The following SCHIP1 variants were observed in gnomAD, a reference collection of about 807,000 sequenced individuals.
The protein encoded by SCHIP1 is schwannomin interacting protein 1, also known as schwannomin-interacting protein 1.
A neutral mutation model predicts 29.7 loss-of-function variants in SCHIP1; 8 were observed. The ratio of observed to expected loss-of-function variants is 0.27; its 90% CI spans 0.16 to 0.49. The LOEUF (loss-of-function observed/expected upper bound fraction) is 0.49, where lower values mean the gene tolerates loss of function less well. Among genes scored for constraint, SCHIP1 ranks in the 20% least tolerant of loss-of-function variants. The pLI, the probability that SCHIP1 is intolerant of heterozygous loss-of-function variation, is 0.99. For synonymous variants in SCHIP1, 76 were observed against 94.9 expected (o/e 0.80, Z 1.16); for missense variants, 193 against 294.6 (o/e 0.66, Z 2.52).
chr3:159,703,744 G>T, the SCHIP1 span, among the ~76,000 whole-genome samples: 1 of 152,172 alleles, frequency 6.6e-6, no homozygotes, highest in South Asian at 2.1e-4. Context: ...GGGATTCAGA[G>T]AACTTAAATT....
chr3:159,440,518 A>AT, the SCHIP1 span, among the ~76,000 whole-genome samples: 1 of 152,110 alleles, frequency 6.6e-6, no homozygotes, highest in Admixed American at 6.6e-5. Context: ...TGAAGATGTG[A>AT]TTTTTACTGT....
the SCHIP1 span, among the ~76,000 whole-genome samples, chr3:159,751,901 A>G: frequency 2.6e-5 from 4 of 152,076 alleles, no homozygotes; most frequent in Non-Finnish European, 4.4e-5. Flanking sequence ...CCCTAGTGGG[A>G]GGTGATTGAA....
chr3:159,866,542 T>G (rs1252930051), intron 2 of SCHIP1, among the ~76,000 whole-genome samples: 1 of 152,170 alleles, frequency 6.6e-6, no homozygotes, highest in Non-Finnish European at 1.5e-5. Flanking sequence ...GCCACAATAC[T>G]GATTCTGTAC....
the SCHIP1 span, among the ~76,000 whole-genome samples, chr3:159,570,277 G>C: frequency 6.6e-6 from 1 of 152,182 alleles, no homozygotes; most frequent in South Asian, 2.1e-4. Flanking sequence ...ATGGTTTTAG[G>C]TCTAACATTT....
At chr3:159,685,579 G>A in the SCHIP1 span, among the ~76,000 whole-genome samples, 1 of 152,080 alleles carries the variant, frequency 6.6e-6, no homozygotes, top group Non-Finnish European at 1.5e-5. Flanking sequence ...ACCCTTATAA[G>A]AAGAGCTTGC....
the SCHIP1 span, among the ~76,000 whole-genome samples, chr3:159,423,998 TC>T: frequency 4.0e-5 from 6 of 149,574 alleles, no homozygotes; most frequent in Admixed American, 3.4e-4. Context: ...CATTTGAGGG[TC>T]CTGTCTGTTA....
the SCHIP1 span, among the ~76,000 whole-genome samples, chr3:159,496,163 C>G: frequency 6.6e-6 from 1 of 152,118 alleles, no homozygotes; most frequent in Admixed American, 6.5e-5. Context: ...AGATGAAAAC[C>G]TAGGCAATAC....
At chr3:159,828,419 GTAT>G in the SCHIP1 span, among the ~76,000 whole-genome samples, 1 of 46,752 alleles carries the variant, frequency 2.1e-5, no homozygotes, top group Admixed American at 3.1e-4. Context: ...GTATATATAC[GTAT>G]ATATATACGT....
the SCHIP1 span, among the ~76,000 whole-genome samples, chr3:159,624,933 C>A: frequency 6.6e-6 from 1 of 152,114 alleles, no homozygotes; most frequent in Non-Finnish European, 1.5e-5. Context: ...AACCCTCACA[C>A]TGAGATGAAA....
At chr3:159,841,872 G>A (rs1340730413) in intron 1 of SCHIP1, among the ~76,000 whole-genome samples, 1 of 152,184 alleles carries the variant, frequency 6.6e-6, no homozygotes, top group Admixed American at 6.5e-5. Flanking sequence ...AATAGATTTT[G>A]CATCTGCATG....
the SCHIP1 span, among the ~76,000 whole-genome samples, chr3:159,382,127 C>T: frequency 1.3e-5 from 2 of 150,574 alleles, no homozygotes; most frequent in African/African-American, 2.4e-5. Context: ...TATTACTATA[C>T]TTTAAGTTTT....
the SCHIP1 span, among the ~76,000 whole-genome samples, chr3:159,542,697 G>A: frequency 1.3e-3 from 199 of 152,044 alleles, no homozygotes; most frequent in South Asian, 0.024. Context: ...GAGGCATGAT[G>A]GGATGCTTAA....
chr3:159,362,418 G>A, the SCHIP1 span, among the ~76,000 whole-genome samples: 1 of 152,184 alleles, frequency 6.6e-6, no homozygotes, highest in African/African-American at 2.4e-5. Context: ...TATTTCAGCT[G>A]CACCTCCAAA....
chr3:159,543,006 T>C, the SCHIP1 span, among the ~76,000 whole-genome samples: 911 of 151,706 alleles, frequency 6.0e-3, 12 homozygotes, highest in African/African-American at 0.021. Flanking sequence ...ACTAGGATAC[T>C]TAAAAAATGA....
At chr3:159,599,928 AT>A in the SCHIP1 span, among the ~76,000 whole-genome samples, 7 of 152,156 alleles carry the variant, frequency 4.6e-5, no homozygotes, top group East Asian at 7.7e-4. Context: ...TTTCCTTAGC[AT>A]TTTCTTGTCT....
chr3:159,358,065 G>A, the SCHIP1 span, among the ~76,000 whole-genome samples: 1 of 152,218 alleles, frequency 6.6e-6, no homozygotes, highest in African/African-American at 2.4e-5. Context: ...ATGTTGGTAT[G>A]TGAATAGCAG....
the SCHIP1 span, among the ~76,000 whole-genome samples, chr3:159,747,671 A>G: frequency 7.9e-5 from 12 of 152,124 alleles, no homozygotes; most frequent in East Asian, 2.1e-3. Flanking sequence ...TTCAGTACTC[A>G]TGGCCATGAG....
At chr3:159,626,086 T>TA in the SCHIP1 span, among the ~76,000 whole-genome samples, 59 of 103,620 alleles carry the variant, frequency 5.7e-4, no homozygotes, top group South Asian at 9.6e-3. Flanking sequence ...AGAGTGCAGC[T>TA]TATATAGATA....
At chr3:159,614,114 A>G in the SCHIP1 span, among the ~76,000 whole-genome samples, 2 of 152,214 alleles carry the variant, frequency 1.3e-5, no homozygotes, top group African/African-American at 4.8e-5. Context: ...GTCACCTAGG[A>G]AATGTCAGAT....
Sources: gnomAD v4.1 joint callset for allele counts (sites outside exome capture counted in the v4.1 genomes callset) on GRCh38, gnomAD v4.1.1 for gene constraint, MANE v1.5 for transcripts, NCBI Gene and HGNC (gene_info 2026-07-23, HGNC 2026-07-21) for gene names.